RBMS3: variants seen among roughly 807,000 people sequenced by gnomAD.
RBMS3 encodes RNA binding motif single stranded interacting protein 3.
RBMS3 carries 27 observed loss-of-function variants against 66.8 expected under a neutral mutation model. That is an observed-to-expected ratio of 0.40 (90% CI 0.30 to 0.56). The LOEUF (loss-of-function observed/expected upper bound fraction) is 0.56. Ranked by LOEUF, RBMS3 falls within the 20% of genes least tolerant of loss-of-function variation. The pLI, the probability that RBMS3 is intolerant of heterozygous loss-of-function variation, is 0.40. For synonymous variants in RBMS3, 188 were observed against 183.0 expected (o/e 1.03, Z -0.22); for missense variants, 513 against 549.5 (o/e 0.93, Z 0.66).
At chr3:29,301,998 C>T (rs1040495603) in intron 1 of RBMS3, among the ~76,000 whole-genome samples, 1 of 151,826 alleles carries the variant, frequency 6.6e-6, no homozygotes, top group Non-Finnish European at 1.5e-5. Context: ...TCACCAAGTA[C>T]AATATTAAAT....
chr3:29,403,066 G>A, intron 1 of RBMS3, among the ~76,000 whole-genome samples: 1 of 151,828 alleles, frequency 6.6e-6, no homozygotes, highest in South Asian at 2.1e-4. Flanking sequence ...CATGGGATGT[G>A]GGGCTGAGCT....
intron 1 of RBMS3, among the ~76,000 whole-genome samples, chr3:29,369,530 ACACT>A (rs2038086404): frequency 1.5e-5 from 2 of 132,498 alleles, no homozygotes; most frequent in African/African-American, 2.9e-5. Flanking sequence ...ACACACACAC[ACACT>A]TTGAGTGAGG....
At chr3:29,578,794 T>TACCCCATATGTAGAA (rs1468562360) in intron 3 of RBMS3, among the ~76,000 whole-genome samples, 1 of 112,884 alleles carries the variant, frequency 8.9e-6, no homozygotes, top group South Asian at 3.6e-4. Context: ...ATGCTTCTTT[T>TACCCCATATGTAGAA]TTTTTTTTTT....
At chr3:29,358,544 C>T (rs909161822) in intron 1 of RBMS3, among the ~76,000 whole-genome samples, 13 of 151,064 alleles carry the variant, frequency 8.6e-5, no homozygotes, top group Non-Finnish European at 1.9e-4. Context: ...TTGTTGGTTC[C>T]ATATGAACTT....
chr3:29,679,166 T>A (rs1008634977), intron 4 of RBMS3, among the ~76,000 whole-genome samples: 6 of 152,074 alleles, frequency 3.9e-5, no homozygotes, highest in Admixed American at 1.3e-4. Context: ...TGTTTCCATA[T>A]GCTCTCCAGA....
intron 6 of RBMS3, among the ~76,000 whole-genome samples, chr3:29,807,387 G>A (rs1295181907): frequency 6.6e-6 from 1 of 151,824 alleles, no homozygotes; most frequent in African/African-American, 2.4e-5. Flanking sequence ...TGCCAAGACA[G>A]AACATCTTAT....
intron 4 of RBMS3, among the ~76,000 whole-genome samples, chr3:29,628,258 C>T (rs1293182165): frequency 1.3e-5 from 2 of 152,056 alleles, no homozygotes; most frequent in Non-Finnish European, 2.9e-5. Context: ...GTGTAAACAA[C>T]AATTTAAAAA....
chr3:29,978,158 A>G lies in RBMS3; in HGVS notation c.1099-9985A>G, dbSNP rs181849574. On this transcript the variant is annotated intron_variant, in intron 12 of 14. Coordinates refer to ENST00000383767, the MANE Select transcript of RBMS3 (RefSeq NM_001003793.3). ...GAAGAAAATCAAACTATGTGCTTGC[A>G]GAGAAAGTTCAGAGTTATTTGTCAC... is the stretch of plus-strand genomic sequence containing the variant. Among the ~76,000 whole-genome samples the G allele has an allele frequency of 3.1e-3, 474 of 152,320 alleles. 2 individuals carry two copies. The highest frequency in any genetic ancestry group is 0.011 in the African/African-American group (442 of 41,568).
At chr3:29,286,696 C>A (rs1428047288) in intron 1 of RBMS3, among the ~76,000 whole-genome samples, 1 of 151,976 alleles carries the variant, frequency 6.6e-6, no homozygotes, top group African/African-American at 2.4e-5. Context: ...GTCTTTCTGG[C>A]TTCAGGAATT....
chr3:29,921,084 T>C (rs764195155), intron 10 of RBMS3, among the ~76,000 whole-genome samples: 23 of 152,236 alleles, frequency 1.5e-4, no homozygotes, highest in Non-Finnish European at 2.8e-4. Context: ...TGTTTTGAGA[T>C]GGAGTTTCAC....
At chr3:29,726,601 T>C (rs1386373154) in intron 4 of RBMS3, among the ~76,000 whole-genome samples, 1 of 152,066 alleles carries the variant, frequency 6.6e-6, no homozygotes, top group East Asian at 1.9e-4. Flanking sequence ...GGAACTCCCA[T>C]ACACAATTGC....
rs531387192 is a variant in RBMS3 at position 29,330,484 on chromosome 3, G to T, written c.75+48728G>T. ...GAAGAGCCCTACAGTGAAATACATA[G>T]CTCATCCCCTTTTCTGGAATAGCGG... On this transcript the variant is annotated intron_variant, in intron 1 of 14. Coordinates refer to ENST00000383767, the MANE Select transcript of RBMS3 (RefSeq NM_001003793.3). Among the ~76,000 whole-genome samples the T allele has an allele frequency of 1.8e-3, 271 of 151,880 alleles. 4 individuals are homozygous for T. The highest frequency in any genetic ancestry group is 1.9e-3 in the Non-Finnish European group (126 of 67,994).
chr3:29,377,136 A>T (rs2038518947), intron 1 of RBMS3, among the ~76,000 whole-genome samples: 1 of 152,054 alleles, frequency 6.6e-6, no homozygotes, highest in African/African-American at 2.4e-5. Flanking sequence ...ACAATATGTA[A>T]TGCTATTTGC....
At chr3:29,495,516 A>G (rs902490041) in intron 3 of RBMS3, among the ~76,000 whole-genome samples, 3 of 149,028 alleles carry the variant, frequency 2.0e-5, no homozygotes, top group African/African-American at 7.4e-5. Flanking sequence ...CACCTCCAGC[A>G]ATTATTCTCC....
chr3:29,365,185 G>C (rs1417463440), intron 1 of RBMS3, among the ~76,000 whole-genome samples: 2 of 151,968 alleles, frequency 1.3e-5, no homozygotes, highest in Non-Finnish European at 1.5e-5. Flanking sequence ...ATAGATTTTG[G>C]AAGAGGCCTT....
chr3:29,899,106 T>A (rs2060194173), intron 9 of RBMS3, among the ~76,000 whole-genome samples: 1 of 151,666 alleles, frequency 6.6e-6, no homozygotes, highest in Non-Finnish European at 1.5e-5. Context: ...ATGGTACATT[T>A]AAGAATAGTT....
At chr3:29,634,584 C>G (rs1256291602) in intron 4 of RBMS3, among the ~76,000 whole-genome samples, 1 of 151,784 alleles carries the variant, frequency 6.6e-6, no homozygotes, top group East Asian at 1.9e-4. Flanking sequence ...TCTCAGAGGT[C>G]TCTAGTTTCC....
At chr3:29,300,357 A>T (rs549526705) in intron 1 of RBMS3, among the ~76,000 whole-genome samples, 1 of 152,128 alleles carries the variant, frequency 6.6e-6, no homozygotes, top group East Asian at 1.9e-4. Context: ...ATCTACAAAG[A>T]TGCTTATTGT....
At chr3:29,900,861 G>C (rs1435741294) in intron 10 of RBMS3, among the ~76,000 whole-genome samples, 2 of 151,728 alleles carry the variant, frequency 1.3e-5, no homozygotes, top group East Asian at 1.9e-4. Context: ...ATAAATGTAA[G>C]TAAGTTAGTA....
Sources: allele counts gnomAD v4.1 joint callset (sites outside exome capture counted in the v4.1 genomes callset), GRCh38; gene constraint gnomAD v4.1.1; transcripts MANE v1.5; gene names NCBI Gene and HGNC (gene_info 2026-07-23, HGNC 2026-07-21).